TAF4B: variants seen among roughly 807,000 people sequenced by gnomAD.
The protein encoded by TAF4B is transcription initiation factor TFIID subunit 4B.
A neutral mutation model predicts 86.4 loss-of-function variants in TAF4B; 38 were observed. That is an observed-to-expected ratio of 0.44 (90% CI 0.34 to 0.58). The LOEUF (loss-of-function observed/expected upper bound fraction) is 0.58, where lower values mean the gene tolerates loss of function less well. TAF4B is among the 20% of genes least tolerant of loss of function. The pLI is 0.02. For synonymous variants in TAF4B, 388 were observed against 391.2 expected (o/e 0.99, Z 0.10); for missense variants, 988 against 1,027.6 (o/e 0.96, Z 0.53).
chr18:26,302,654 T>C (rs1386363281), intron 9 of TAF4B, among the ~76,000 whole-genome samples: 1 of 152,252 alleles, frequency 6.6e-6, no homozygotes, highest in East Asian at 1.9e-4. Context: ...TGAGCCATCA[T>C]GCCCAGCCTA....
intron 5 of TAF4B, among the ~76,000 whole-genome samples, chr18:26,278,061 A>T (rs535268029): frequency 1.3e-5 from 2 of 152,336 alleles, no homozygotes; most frequent in African/African-American, 4.8e-5. Context: ...CCAAGTCTGA[A>T]TAACCACAAT....
At chr18:26,228,181 G>C (rs996733534) in intron 1 of TAF4B, among the ~76,000 whole-genome samples, 1 of 152,154 alleles carries the variant, frequency 6.6e-6, no homozygotes, top group African/African-American at 2.4e-5. Flanking sequence ...GAATGATTTT[G>C]GGGTGTTCAG....
rs907482834 is a variant in TAF4B, at chr18:26,384,698, A to C, written c.2422-5147A>C. Among the ~76,000 whole-genome samples, 17 of 152,230 alleles carry C rather than the reference A, an allele frequency of 1.1e-4. 1 individual carries two copies. Among genetic ancestry groups the C allele is most frequent in the African/African-American group, 4.1e-4 (17 of 41,462 alleles). ...TAGAATTACACTGTTTCCTGTTTGT[A>C]AACCTTCAGTGCCTTCCTACTGACT... On this transcript the variant is annotated intron_variant, in intron 14 of 14. Transcript: ENST00000269142.
At chr18:26,318,331 A>G (rs529552619) in intron 10 of TAF4B, among the ~76,000 whole-genome samples, 1 of 152,004 alleles carries the variant, frequency 6.6e-6, no homozygotes, top group Admixed American at 6.5e-5. Context: ...AAACTTCAAG[A>G]ATTCTTACTT....
At chr18:26,335,104 T>G in intron 12 of TAF4B, 71 bp from the exon 13 acceptor site, 1 of 1,102,274 alleles carries the variant, frequency 9.1e-7, no homozygotes, top group Non-Finnish European at 1.3e-6. Context: ...TGTCATTTAT[T>G]AAATATTTAA....
In TAF4B at chr18:26,335,209, G is replaced by T; in HGVS notation, c.2294G>T (p.Arg765Ile). 1 of 1,613,482 alleles carries T rather than the reference G, an allele frequency of 6.2e-7. No homozygotes were observed. Among genetic ancestry groups the T allele is most frequent in the Non-Finnish European group, 8.5e-7 (1 of 1,179,590 alleles). ...RSNKEDPEQL[R>I]LKQKAKELQQ... is the part of the protein sequence containing the mutation. ...AATAAAGAAGATCCAGAACAGCTGA[G>T]ATTAAAGCAGAAAGCCAAAGAGGTA... Residue 765 changes from arginine to isoleucine, a missense_variant, in exon 13 of 15, where the codon AGA becomes ATA. Arg to Ile is a moderately conservative substitution (Grantham distance 97, BLOSUM62 -3). Around this residue, in one of 3 missense-constraint regions of TAF4B, gnomAD observed 216 missense variants for 238.4 expected, o/e 0.91. Transcript: ENST00000269142.
In TAF4B at chr18:26,268,504, C is replaced by A. The variant is rs536621171; in HGVS notation, c.597+881C>A. 2.6e-5 allele frequency among the ~76,000 whole-genome samples: 4 copies of A among 152,200 alleles called. No homozygotes were observed. The East Asian group carries it at 5.8e-4, about 22-fold the overall frequency. On this transcript the variant is annotated intron_variant, in intron 3 of 14. Transcript: ENST00000269142. Reference sequence around the variant, plus strand: ...GTTAACTTAAATGATAACGACCAGACCCTCATCCCTGAGGGATCTGTGGTC... The same window carrying A: ...GTTAACTTAAATGATAACGACCAGAACCTCATCCCTGAGGGATCTGTGGTC...
At chr18:26,342,042 A>G (rs181621038) in intron 13 of TAF4B, among the ~76,000 whole-genome samples, 1 of 152,272 alleles carries the variant, frequency 6.6e-6, no homozygotes, top group East Asian at 1.9e-4. Flanking sequence ...TTTCCAAAGT[A>G]TATCTAATTC....
At chr18:26,239,510 G>C (rs2055802578) in intron 1 of TAF4B, among the ~76,000 whole-genome samples, 1 of 152,178 alleles carries the variant, frequency 6.6e-6, no homozygotes, top group South Asian at 2.1e-4. Flanking sequence ...TGGGTAGATT[G>C]TAAAAATTTT....
At chr18:26,302,410 A>T (rs139132910) in intron 9 of TAF4B, among the ~76,000 whole-genome samples, 1,393 of 113,636 alleles carry the variant, frequency 0.012, 17 homozygotes, top group African/African-American at 0.045. Flanking sequence ...GGTCTCTGTC[A>T]CCTAGGCTGG....
chr18:26,229,663 C>T (rs534179406), intron 1 of TAF4B, among the ~76,000 whole-genome samples: 23 of 151,938 alleles, frequency 1.5e-4, no homozygotes, highest in South Asian at 8.3e-4. Context: ...CCACCATGCT[C>T]GGCTAAATTT....
Position 26,310,793 on chromosome 18 carries a change from A to G in TAF4B, c.1833-4436A>G, listed in dbSNP as rs527381076. Among the ~76,000 whole-genome samples, 98 of 152,084 alleles carry G rather than the reference A, an allele frequency of 6.4e-4. 1 individual carries two copies. The highest frequency in any genetic ancestry group is 2.3e-3 in the African/African-American group (96 of 41,534). The stretch of plus-strand genomic sequence containing the variant: ...GTTCCCAGCCTAGAGCCAACCAGTT[A>G]CCACTTTTTTTCAGTTTCTTATGTA... On this transcript the variant is annotated intron_variant, in intron 9 of 14. Coordinates refer to ENST00000269142, the MANE Select transcript of TAF4B (RefSeq NM_005640.3).
At chr18:26,228,470 C>A (rs1309008754) in intron 1 of TAF4B, among the ~76,000 whole-genome samples, 2 of 152,018 alleles carry the variant, frequency 1.3e-5, no homozygotes, top group African/African-American at 4.8e-5. Flanking sequence ...TGTGCAGCAC[C>A]GAATACATTA....
chr18:26,370,758 G>C (rs997754008), intron 14 of TAF4B, among the ~76,000 whole-genome samples: 1 of 152,116 alleles, frequency 6.6e-6, no homozygotes, highest in African/African-American at 2.4e-5. Flanking sequence ...TTATTGATAT[G>C]GACTCACCAA....
At position 26,390,145 on chromosome 18, in the gene TAF4B, CT is replaced by C; in HGVS notation, c.*136del. ...AAAGAGCATTGTTTACAGTTAGAAACTTTATTAACTCTTACCTATCCATCTC... is the reference window on the plus strand; with the variant it reads ...AAAGAGCATTGTTTACAGTTAGAAACTTATTAACTCTTACCTATCCATCTC... On this transcript the variant is annotated 3_prime_UTR_variant, in exon 15 of 15. Transcript: ENST00000269142. 2 of 892,604 alleles carry C rather than the reference CT, an allele frequency of 2.2e-6. No homozygotes were observed. The highest frequency in any genetic ancestry group is 3.4e-6 in the Non-Finnish European group (2 of 594,750). The allele number at this position is 892,604 out of a possible 1,614,324, so 55.3% of individuals were successfully genotyped here. A position where few individuals can be genotyped will look rare whatever the true frequency, so the allele number is the denominator to read the frequency against.
intron 13 of TAF4B, among the ~76,000 whole-genome samples, chr18:26,350,116 G>A (rs1402875796): frequency 1.3e-5 from 2 of 152,090 alleles, no homozygotes; most frequent in East Asian, 1.9e-4. Flanking sequence ...AGAAGAAAAC[G>A]GAGGAAATGC....
At chr18:26,333,419 C>T (rs780040217) in intron 12 of TAF4B, among the ~76,000 whole-genome samples, 4 of 149,926 alleles carry the variant, frequency 2.7e-5, no homozygotes, top group Non-Finnish European at 5.9e-5. Context: ...GGGTCTCATT[C>T]AGTTGCCCAG....
rs141267051 is a variant in TAF4B at position 26,369,992 on chromosome 18, G to T, written c.2421+12198G>T. 9.5e-3 allele frequency among the ~76,000 whole-genome samples: 1,443 copies of T among 152,294 alleles called. 29 individuals carry two copies. The highest frequency in any genetic ancestry group is 0.033 in the African/African-American group (1,360 of 41,558). ...GTGGTAAAAGGGACACTGGTGGTCC[G>T]TGGCATACAGTGGCAAAACTTGTAG... On this transcript the variant is annotated intron_variant, in intron 14 of 14. Coordinates refer to ENST00000269142, the MANE Select transcript of TAF4B (RefSeq NM_005640.3).
chr18:26,380,306 T>A (rs2057469693), intron 14 of TAF4B, among the ~76,000 whole-genome samples: 1 of 152,320 alleles, frequency 6.6e-6, no homozygotes, highest in African/African-American at 2.4e-5. Flanking sequence ...ATTCCATTTG[T>A]TTTCTACTTT....
Sources: gnomAD v4.1 joint callset for allele counts (sites outside exome capture counted in the v4.1 genomes callset) on GRCh38, gnomAD v4.1.1 for gene constraint, gnomAD v4.1.1 regional missense constraint, MANE v1.5 for transcripts, NCBI Gene and HGNC (gene_info 2026-07-23, HGNC 2026-07-21) for gene names.